HSD17B4: variants seen among roughly 807,000 people sequenced by gnomAD.
HSD17B4 encodes hydroxysteroid 17-beta dehydrogenase 4.
HSD17B4 carries 70 observed loss-of-function variants against 101.0 expected under a neutral mutation model. The observed-to-expected ratio is 0.69, with a 90% CI of 0.57 to 0.85. The LOEUF (loss-of-function observed/expected upper bound fraction) is 0.85. HSD17B4 is among the 40% of genes least tolerant of loss of function. The pLI is 0.00. For missense variants in HSD17B4, 984 were observed against 892.4 expected, an observed-to-expected ratio of 1.10 and a Z score of -1.31; for synonymous variants, 347 against 297.1, an observed-to-expected ratio of 1.17 and a Z score of -1.73.
chr5:119,456,676 G>A lies in HSD17B4; in HGVS notation c.112+308G>A, dbSNP rs1016783661. 1.2e-5 allele frequency: 5 copies of A among 408,534 alleles called. No individual in the cohort carries two copies. The East Asian group carries it at 1.6e-4, about 13-fold the overall frequency. 25.3% of individuals were successfully genotyped at this position (408,534 alleles called of 1,614,324 possible). A position where few individuals can be genotyped will look rare whatever the true frequency, so the allele number is the denominator to read the frequency against. ...GTGGGAGGATCGCTTGAGACCAGGA[G>A]TTCGAGCCTGCAGAGAACTATGATT... is the stretch of plus-strand genomic sequence containing the variant. On this transcript the variant is annotated intron_variant, in intron 2 of 23. Coordinates refer to ENST00000510025, the MANE Select transcript of HSD17B4 (RefSeq NM_000414.4).
rs960709484 is a variant in HSD17B4, at chr5:119,537,282, G to C, written c.2121+732G>C. 2.6e-5 allele frequency among the ~76,000 whole-genome samples: 4 copies of C among 152,106 alleles called. No homozygotes were observed. In the South Asian group the frequency reaches 8.3e-4, roughly 31 times the overall value. Reference sequence around the variant, plus strand: ...AAGGAATTGTAAAGTAGTATAGTAGGTAAAAAGTAGTCTTTGGCATCAGAT... The same window carrying C: ...AAGGAATTGTAAAGTAGTATAGTAGCTAAAAAGTAGTCTTTGGCATCAGAT... On this transcript the variant is annotated intron_variant, in intron 23 of 23. Transcript: ENST00000510025.
In HSD17B4 at chr5:119,531,301, A is replaced by C. The variant is rs774280580; in HGVS notation, c.1890A>C (p.Glu630Asp). Reference protein sequence around the residue: ...GKLQSTFVFEEIGRRLKDIGP... With the variant: ...GKLQSTFVFEDIGRRLKDIGP... ...TTCAGAGTACCTTTGTATTTGAGGA[A>C]ATAGGACGCCGCCTAAAGGATATTG... The change falls in exon 22 of 24, where the codon GAA becomes GAC. Residue 630 changes from glutamate to aspartate, a missense_variant. Coordinates refer to ENST00000510025, the MANE Select transcript of HSD17B4 (RefSeq NM_000414.4). 1 of 1,613,684 alleles carries C rather than the reference A, an allele frequency of 6.2e-7. No individual in the cohort carries two copies. Among genetic ancestry groups the C allele is most frequent in the East Asian group, 2.2e-5 (1 of 44,868 alleles).
At chr5:119,468,903 T>G (rs1414232996) in intron 2 of HSD17B4, among the ~76,000 whole-genome samples, 1 of 151,890 alleles carries the variant, frequency 6.6e-6, no homozygotes, top group Non-Finnish European at 1.5e-5. Flanking sequence ...GTTGAAGCTT[T>G]CAATTGTATT....
Position 119,513,805 on chromosome 5 carries a change from G to A in HSD17B4, c.1438-1176G>A, listed in dbSNP as rs144939912. Among the ~76,000 whole-genome samples the A allele has an allele frequency of 9.3e-4, 142 of 152,294 alleles. 1 individual carries two copies. Among genetic ancestry groups the A allele is most frequent in the Middle Eastern group, 3.4e-3 (1 of 294 alleles). On this transcript the variant is annotated intron_variant, in intron 16 of 23. Transcript: ENST00000510025. ...CATGGTGAAGCCCTGTGCCATAAACGAGTTTCTAGTCTGTTAACAGTAAAA... is the reference window on the plus strand; with the variant it reads ...CATGGTGAAGCCCTGTGCCATAAACAAGTTTCTAGTCTGTTAACAGTAAAA...
chr5:119,542,331 T>G lies in HSD17B4; in HGVS notation c.*337T>G, dbSNP rs1755065779. 1 of 192,108 alleles carries G rather than the reference T, an allele frequency of 5.2e-6. No homozygotes were observed. Among genetic ancestry groups the G allele is most frequent in the Admixed American group, 5.6e-5 (1 of 17,938 alleles). The allele number at this position is 192,108 out of a possible 1,614,324, so 11.9% of individuals were successfully genotyped here. On this transcript the variant is annotated 3_prime_UTR_variant, in exon 24 of 24. Transcript: ENST00000510025. ...AAATCAATAAAGGCCTTTGATACCT[T>G]TGTTTTTTTGTGATTTTCTGTTTTT...
chr5:119,482,561 G>T (rs998179031), intron 8 of HSD17B4, among the ~76,000 whole-genome samples: 2 of 152,128 alleles, frequency 1.3e-5, no homozygotes, highest in African/African-American at 4.8e-5. Context: ...ATAATAGCAA[G>T]TGAGATTAAT....
At chr5:119,531,502 A>G in intron 22 of HSD17B4, 98 bp downstream of exon 22, 1 of 1,252,910 alleles carries the variant, frequency 8.0e-7, no homozygotes, top group East Asian at 2.6e-5. Context: ...GGTAAATCTT[A>G]CCTTTTTAGG....
At chr5:119,518,766 A>G (rs1752867365) in intron 17 of HSD17B4, among the ~76,000 whole-genome samples, 1 of 152,146 alleles carries the variant, frequency 6.6e-6, no homozygotes, top group Non-Finnish European at 1.5e-5. Context: ...CTGGCAATAT[A>G]TATTTTTAAC....
chr5:119,478,669 C>A (rs1748826013), intron 7 of HSD17B4, among the ~76,000 whole-genome samples, 165 bp from the exon 8 acceptor site: 1 of 152,086 alleles, frequency 6.6e-6, no homozygotes, highest in Non-Finnish European at 1.5e-5. Context: ...TGAGAGATTA[C>A]TTATATATTA....
chr5:119,459,889 G>A (rs75223631), intron 2 of HSD17B4, among the ~76,000 whole-genome samples: 2 of 119,414 alleles, frequency 1.7e-5, no homozygotes, highest in African/African-American at 6.5e-5. Context: ...TTTTTTTTTT[G>A]AGAGGGAGTC....
In HSD17B4 at chr5:119,488,558, G is replaced by A. The variant is rs934797618; in HGVS notation, c.623-634G>A. Among the ~76,000 whole-genome samples, 7 of 152,070 alleles carry A rather than the reference G, an allele frequency of 4.6e-5. No individual in the cohort carries two copies. In the East Asian group the frequency reaches 7.7e-4, roughly 17 times the overall value. ...ATATACCAGTTACCCTGATTTGGTC[G>A]TTACACATTGTATAAGGTATCAAAA... On this transcript the variant is annotated intron_variant, in intron 8 of 23. Transcript: ENST00000510025.
rs550702151 is a variant in HSD17B4 at position 119,507,755 on chromosome 5, G to A, written c.1333+866G>A. Reference sequence around the variant, plus strand: ...GCTGAGATTGTGCCACTGCACTCCAGCCTGGGTGACTGAGCAAGACTCTGT... The same window carrying A: ...GCTGAGATTGTGCCACTGCACTCCAACCTGGGTGACTGAGCAAGACTCTGT... On this transcript the variant is annotated intron_variant, in intron 15 of 23. Transcript: ENST00000510025. Among the ~76,000 whole-genome samples the A allele has an allele frequency of 9.1e-4, 137 of 150,140 alleles. 1 individual carries two copies. The highest frequency in any genetic ancestry group is 3.4e-3 in the Middle Eastern group (1 of 292).
chr5:119,463,515 C>CT (rs1488331285), intron 2 of HSD17B4, among the ~76,000 whole-genome samples: 3 of 143,216 alleles, frequency 2.1e-5, no homozygotes, highest in Admixed American at 2.1e-4. Flanking sequence ...TTTTGTCATC[C>CT]TTTGTTATTT....
Position 119,475,705 on chromosome 5 carries a change from G to A in HSD17B4, c.281-1G>A. 1 of 1,591,626 alleles carries A rather than the reference G, an allele frequency of 6.3e-7. No homozygotes were observed. The highest frequency in any genetic ancestry group is 8.6e-7 in the Non-Finnish European group (1 of 1,161,580). ...GTAACTTGTATCTTTTTATATTGTA[G>A]ATGTTGTGGTCAACAATGCTGGGTG... On this transcript the variant is annotated splice_acceptor_variant, in intron 4 of 23. Coordinates refer to ENST00000510025, the MANE Select transcript of HSD17B4 (RefSeq NM_000414.4). LOFTEE classifies it high-confidence loss of function.
At chr5:119,541,834 TAAAAA>T in intron 23 of HSD17B4, 66 bp from the exon 24 acceptor site, 1 of 793,210 alleles carries the variant, frequency 1.3e-6, no homozygotes, top group Non-Finnish European at 2.0e-6. Context: ...TGAATAATCT[TAAAAA>T]AAAAAAAAAG....
At chr5:119,540,252 G>A (rs1177770262) in intron 23 of HSD17B4, among the ~76,000 whole-genome samples, 1 of 152,146 alleles carries the variant, frequency 6.6e-6, no homozygotes, top group Non-Finnish European at 1.5e-5. Context: ...AGTTTTTTGT[G>A]TTCAACCAGT....
chr5:119,527,386 A>C (rs1047497736), intron 20 of HSD17B4, among the ~76,000 whole-genome samples, 167 bp downstream of exon 20: 6 of 152,066 alleles, frequency 3.9e-5, no homozygotes, highest in African/African-American at 1.4e-4. Context: ...TTTATTTATC[A>C]GGCAACACTT....
At chr5:119,489,883 C>T (rs190064208) in intron 9 of HSD17B4, among the ~76,000 whole-genome samples, 3 of 152,030 alleles carry the variant, frequency 2.0e-5, no homozygotes, top group South Asian at 2.1e-4. Context: ...TAATTATCCA[C>T]ACATAATCCC....
Position 119,462,248 on chromosome 5 carries a change from A to ATTTTTTTTTTT in HSD17B4, c.112+5905_112+5915dup, listed in dbSNP as rs10524491. On this transcript the variant is annotated intron_variant, in intron 2 of 23. Transcript: ENST00000510025. ...TTCATATCCTCCCCCAACAAATGTG[A>ATTTTTTTTTTT]TTTTTTTTTTTTTTTTTTTTTTTTT... is the stretch of plus-strand genomic sequence containing the variant. Among the ~76,000 whole-genome samples the ATTTTTTTTTTT allele has an allele frequency of 1.6e-3, 47 of 30,030 alleles. 8 individuals are homozygous for ATTTTTTTTTTT. The highest frequency in any genetic ancestry group is 1.9e-3 in the Non-Finnish European group (24 of 12,652). The allele number at this position is 30,030 out of a possible 152,430, so 19.7% of individuals were successfully genotyped here.
Sources: allele counts gnomAD v4.1 joint callset (sites outside exome capture counted in the v4.1 genomes callset), GRCh38; gene constraint gnomAD v4.1.1; transcripts MANE v1.5; gene names NCBI Gene and HGNC (gene_info 2026-07-23, HGNC 2026-07-21).